Variants in IGF1R observed in about 807,000 individuals in gnomAD.
The protein encoded by IGF1R is insulin like growth factor 1 receptor, also known as insulin-like growth factor 1 receptor.
Under a neutral mutation model 144.6 loss-of-function variants are expected in IGF1R, and 44 were observed. The ratio of observed to expected loss-of-function variants is 0.30; its 90% CI spans 0.24 to 0.39. The LOEUF is 0.39. Among genes scored for constraint, IGF1R ranks in the 10% least tolerant of loss-of-function variants. IGF1R has a pLI of 1.00. For synonymous variants in IGF1R, 795 were observed against 722.8 expected (o/e 1.10, Z -1.60); for missense variants, 1,355 against 1,833.7 (o/e 0.74, Z 4.77).
chr15:98,650,003 G>A (rs1236527416), intron 1 of IGF1R, among the ~76,000 whole-genome samples: 1 of 152,140 alleles, frequency 6.6e-6, no homozygotes, highest in African/African-American at 2.4e-5. Flanking sequence ...CGGGCTCCGC[G>A]GTTCCCGGGC....
intron 17 of IGF1R, among the ~76,000 whole-genome samples, chr15:98,937,085 C>T (rs1481562977): frequency 6.6e-6 from 1 of 152,118 alleles, no homozygotes; most frequent in Non-Finnish European, 1.5e-5. Context: ...GGGGTTTCAC[C>T]ATGTTGGCCA....
intron 2 of IGF1R, among the ~76,000 whole-genome samples, chr15:98,749,697 A>G (rs1016905835): frequency 2.0e-5 from 3 of 152,214 alleles, no homozygotes; most frequent in African/African-American, 7.2e-5. Context: ...TTACAGGAAA[A>G]TTAATTCTGT....
At chr15:98,651,985 T>A (rs1012109806) in intron 1 of IGF1R, among the ~76,000 whole-genome samples, 1 of 152,162 alleles carries the variant, frequency 6.6e-6, no homozygotes, top group South Asian at 2.1e-4. Flanking sequence ...CTGAGCCCTA[T>A]CAGGGAGGGC....
chr15:98,954,113 C>T (rs567496332), intron 20 of IGF1R: 363 of 152,350 alleles, frequency 2.4e-3, no homozygotes, highest in Non-Finnish European at 4.2e-3. Context: ...GCGGGTGCCT[C>T]GTGGCCTGCT....
At chr15:98,715,998 G>A (rs1007514721) in intron 2 of IGF1R, among the ~76,000 whole-genome samples, 1 of 152,224 alleles carries the variant, frequency 6.6e-6, no homozygotes, top group Non-Finnish European at 1.5e-5. Context: ...CCTCGAAGAA[G>A]TTCATCTCCA....
chr15:98,650,182 G>A (rs2052318773), intron 1 of IGF1R, among the ~76,000 whole-genome samples: 1 of 152,082 alleles, frequency 6.6e-6, no homozygotes, highest in Non-Finnish European at 1.5e-5. Flanking sequence ...CGCGGGGTGC[G>A]AGTTGCCCTC....
At chr15:98,886,717 C>G (rs756816407) in intron 2 of IGF1R, among the ~76,000 whole-genome samples, 5 of 152,194 alleles carry the variant, frequency 3.3e-5, no homozygotes, top group Non-Finnish European at 4.4e-5. Flanking sequence ...GCGAGACACA[C>G]TGCCCGGGGC....
At chr15:98,718,072 C>CA (rs1411492316) in intron 2 of IGF1R, among the ~76,000 whole-genome samples, 1 of 152,184 alleles carries the variant, frequency 6.6e-6, no homozygotes, top group African/African-American at 2.4e-5. Flanking sequence ...TTGCAGGAAA[C>CA]AAACACTGGC....
chr15:98,937,602 A>C (rs1204450262), intron 17 of IGF1R, among the ~76,000 whole-genome samples: 1 of 152,184 alleles, frequency 6.6e-6, no homozygotes, highest in African/African-American at 2.4e-5. Flanking sequence ...CCCCCGACCA[A>C]GTTTCACTTA....
intron 8 of IGF1R, among the ~76,000 whole-genome samples, chr15:98,914,292 C>G (rs1267363217): frequency 1.3e-5 from 2 of 152,206 alleles, no homozygotes; most frequent in African/African-American, 4.8e-5. Context: ...GGCATTCACT[C>G]TATAGCACTG....
At chr15:98,724,665 A>T (rs1197726837) in intron 2 of IGF1R, among the ~76,000 whole-genome samples, 3 of 152,230 alleles carry the variant, frequency 2.0e-5, no homozygotes, top group Non-Finnish European at 2.9e-5. Flanking sequence ...GGAGGTGATG[A>T]CTGGAGCACT....
At chr15:98,910,230 T>A (rs977307209) in intron 6 of IGF1R, among the ~76,000 whole-genome samples, 1 of 152,198 alleles carries the variant, frequency 6.6e-6, no homozygotes, top group Admixed American at 6.5e-5. Flanking sequence ...GCAAAGCCCC[T>A]GCCTTGCTCC....
chr15:98,718,160 C>G (rs945401362), intron 2 of IGF1R, among the ~76,000 whole-genome samples: 1 of 152,214 alleles, frequency 6.6e-6, no homozygotes, highest in African/African-American at 2.4e-5. Context: ...AATGCCAGGC[C>G]TCTGCCCGAA....
At chr15:98,675,744 AT>A (rs2053020059) in intron 1 of IGF1R, among the ~76,000 whole-genome samples, 1 of 151,050 alleles carries the variant, frequency 6.6e-6, no homozygotes. Flanking sequence ...CCTGTTGACG[AT>A]TTAGTTTCCC....
chr15:98,737,185 C>T (rs2054631383), intron 2 of IGF1R, among the ~76,000 whole-genome samples: 1 of 152,134 alleles, frequency 6.6e-6, no homozygotes, highest in South Asian at 2.1e-4. Context: ...TAATTACTTC[C>T]TGCACTCATC....
chr15:98,898,474 AC>A (rs1402027043), intron 4 of IGF1R, among the ~76,000 whole-genome samples: 1 of 152,234 alleles, frequency 6.6e-6, no homozygotes, highest in Non-Finnish European at 1.5e-5. Context: ...TTCCTGCCCC[AC>A]GTTTAAAATT....
chr15:98,830,310 T>C (rs1464710992), intron 2 of IGF1R, among the ~76,000 whole-genome samples: 1 of 152,244 alleles, frequency 6.6e-6, no homozygotes, highest in Non-Finnish European at 1.5e-5. Context: ...GACCATCCTT[T>C]TCCCTGAGCT....
At chr15:98,906,825 C>T (rs775352633) in intron 5 of IGF1R, among the ~76,000 whole-genome samples, 3 of 152,192 alleles carry the variant, frequency 2.0e-5, no homozygotes, top group Non-Finnish European at 4.4e-5. Flanking sequence ...TGAAGATGGG[C>T]GTGTGAGGAG....
chr15:98,908,955 C>T (rs567417933), intron 6 of IGF1R, 56 bp downstream of exon 6: 6 of 1,485,784 alleles, frequency 4.0e-6, no homozygotes, highest in Non-Finnish European at 5.6e-6. Flanking sequence ...ACAGCAGACC[C>T]TCCTCCCATG....
Sources: allele counts gnomAD v4.1 joint callset (sites outside exome capture counted in the v4.1 genomes callset), GRCh38; gene constraint gnomAD v4.1.1; transcripts MANE v1.5; gene names NCBI Gene and HGNC (gene_info 2026-07-23, HGNC 2026-07-21).